GSDMA: variants seen among roughly 807,000 people sequenced by gnomAD.
GSDMA encodes the protein gasdermin A, also known as gasdermin-A.
Under a neutral mutation model 54.3 loss-of-function variants are expected in GSDMA, and 55 were observed. The ratio of observed to expected loss-of-function variants is 1.01; its 90% CI spans 0.82 to 1.27. The LOEUF is 1.27. GSDMA is among the 50% of genes most tolerant of loss of function. GSDMA has a pLI of 0.00. For missense variants in GSDMA, 542 were observed against 542.6 expected (o/e 1.00, Z 0.01); for synonymous variants, 211 against 224.7 (o/e 0.94, Z 0.54).
Position 39,976,868 on chromosome 17 carries a change from C to T in GSDMA, c.1148C>T (p.Pro383Leu), listed in dbSNP as rs556433514. The T allele has an allele frequency of 1.7e-5, 27 of 1,613,802 alleles. No individual in the cohort carries two copies. Among genetic ancestry groups the T allele is most frequent in the African/African-American group, 4.0e-5 (3 of 74,854 alleles). The change falls in exon 12 of 12, where the codon CCC (proline) becomes CTC (leucine). Residue 383 changes from proline to leucine, a missense_variant. Transcript: ENST00000301659. ...CTGCTGGATAAAGAGGGTGTTTTCC[C>T]CCTGCAACCTGAGCTGCTCTCCTCC... ...NFLLDKEGVF[P>L]LQPELLSSLG...
chr17:39,976,145 C>G, intron 11 of GSDMA, 148 bp downstream of exon 11: 2 of 557,682 alleles, frequency 3.6e-6, no homozygotes, highest in Non-Finnish European at 3.2e-6. Context: ...CTCTCTATTT[C>G]TCATTTTTTG....
intron 11 of GSDMA, among the ~76,000 whole-genome samples, chr17:39,976,372 G>A (rs1015057814): frequency 7.9e-5 from 12 of 151,266 alleles, no homozygotes; most frequent in Non-Finnish European, 5.9e-5. Context: ...TCCGCCTCCC[G>A]GGTTCAAGCG....
chr17:39,970,361 G>A, intron 3 of GSDMA, 121 bp from the exon 4 acceptor site: 4 of 934,694 alleles, frequency 4.3e-6, no homozygotes, highest in Non-Finnish European at 4.5e-6. Flanking sequence ...CTAGTCCAGA[G>A]TCCTCACTCC....
In GSDMA at chr17:39,974,416, C is replaced by T. The variant is rs1226857851; in HGVS notation, c.895C>T (p.Leu299Phe). The change falls in exon 9 of 12, where the codon CTT becomes TTT. Residue 299 changes from leucine to phenylalanine, a missense_variant. By Grantham distance (22) the Leu-to-Phe change is conservative (BLOSUM62 0). Coordinates refer to ENST00000301659, the MANE Select transcript of GSDMA (RefSeq NM_178171.5). Reference protein sequence around the residue: ...LLGKKKELQDLELALEGALDK... With the variant: ...LLGKKKELQDFELALEGALDK... ...AGGGAAGAAAAAGGAGCTACAAGACCTTGAGCTCGCAGTGAGGACCTAGTG... is the reference window on the plus strand; with the variant it reads ...AGGGAAGAAAAAGGAGCTACAAGACTTTGAGCTCGCAGTGAGGACCTAGTG... 6.3e-7 allele frequency: 1 copy of T among 1,581,184 alleles called. No individual in the cohort carries two copies. The highest frequency in any genetic ancestry group is 8.6e-7 in the Non-Finnish European group (1 of 1,163,814).
rs1318286815 is a variant in GSDMA at position 39,970,525 on chromosome 17, C to A, written c.436C>A (p.Gln146Lys). Residue 146 changes from glutamine (Q) to lysine (K), a missense_variant, in exon 4 of 12, where the codon CAA becomes AAA. Physicochemically the swap from Gln to Lys is moderately conservative, Grantham distance 53. Transcript: ENST00000301659. ...CCCATTCCTGAAGGAGATGCAAGAT[C>A]AAGGGGAGAACCTGTATGTGGTGAT... ...DHPFLKEMQD[Q>K]GENLYVVMEV... is the part of the protein sequence containing the mutation. 4 of 1,598,774 alleles carry A rather than the reference C, an allele frequency of 2.5e-6. No homozygotes were observed. The highest frequency in any genetic ancestry group is 3.4e-6 in the Non-Finnish European group (4 of 1,172,128).
At chr17:39,974,528 C>A in intron 9 of GSDMA, 101 bp downstream of exon 9, 1 of 1,329,238 alleles carries the variant, frequency 7.5e-7, no homozygotes, top group Non-Finnish European at 1.0e-6. Context: ...CTGACGGGGG[C>A]AGGAGGTGGG....
intron 2 of GSDMA, 31 bp from the exon 3 acceptor site, chr17:39,966,229 C>T (rs566601035): frequency 2.5e-6 from 4 of 1,612,436 alleles, no homozygotes; most frequent in South Asian, 1.1e-5. Context: ...ACCCAGCCAG[C>T]CCAGCCCCTT....
Position 39,970,658 on chromosome 17 carries a change from AACACACACACACAC to A in GSDMA, c.558+24_558+37del, listed in dbSNP as rs58338887. 3 of 1,353,646 alleles carry A rather than the reference AACACACACACACAC, an allele frequency of 2.2e-6. No homozygotes were observed. The highest frequency in any genetic ancestry group is 1.5e-5 in the African/African-American group (1 of 66,634). 83.9% of individuals were successfully genotyped at this position (1,353,646 alleles called of 1,614,324 possible). A position where few individuals can be genotyped will look rare whatever the true frequency, so the allele number is the denominator to read the frequency against. On this transcript the variant is annotated intron_variant, in intron 4 of 11. Coordinates refer to ENST00000301659, the MANE Select transcript of GSDMA (RefSeq NM_178171.5). ...CCATTGGGGCTACAGGTTTGATTCA[AACACACACACACAC>A]ACACACACACACTCTCACACTCACA... is the stretch of plus-strand genomic sequence containing the variant.
At chr17:39,964,233 G>A (rs1041944978) in intron 1 of GSDMA, among the ~76,000 whole-genome samples, 4 of 152,128 alleles carry the variant, frequency 2.6e-5, no homozygotes, top group African/African-American at 7.2e-5. Flanking sequence ...ATCCGGAAGC[G>A]GGTATTGTAA....
In GSDMA at chr17:39,971,572, C is replaced by G. The variant is rs781138630; in HGVS notation, c.607C>G (p.Leu203Val). ...EAVTIPKGCV[L>V]AFRVRQLMVK... is the part of the protein sequence containing the mutation. ...TGTAACCATCCCCAAGGGCTGCGTC[C>G]TGGCCTTTCGAGTGAGACAGCTGAT... Residue 203 changes from leucine (L) to valine (V), a missense_variant, in exon 5 of 12, where the codon CTG becomes GTG. Physicochemically the swap from Leu to Val is conservative, Grantham distance 32 (BLOSUM62 1). Transcript: ENST00000301659. 28 of 1,613,840 alleles carry G rather than the reference C, an allele frequency of 1.7e-5. No individual in the cohort carries two copies. The East Asian group carries it at 5.8e-4, about 33-fold the overall frequency.
chr17:39,970,566 G>C lies in GSDMA; in HGVS notation c.477G>C (p.Thr159=). 6.2e-7 allele frequency: 1 copy of C among 1,609,526 alleles called. No homozygotes were observed. The highest frequency in any genetic ancestry group is 8.5e-7 in the Non-Finnish European group (1 of 1,177,766). Residue 159 remains threonine (T), a synonymous_variant, in exon 4 of 12, where the codon ACG becomes ACC. Transcript: ENST00000301659. Reference sequence around the variant, plus strand: ...ATGTGGTGATGGAGGTGGTGGAGACGGTGCAGGAGGTCACACTGGAGCGAG... The same window carrying C: ...ATGTGGTGATGGAGGTGGTGGAGACCGTGCAGGAGGTCACACTGGAGCGAG... The part of the protein sequence containing the change: ...NLYVVMEVVE[T]VQEVTLERAG...
Position 39,976,820 on chromosome 17 carries a change from A to G in GSDMA, c.1100A>G (p.Glu367Gly). ...KILPVQLKLV[E>G]STMEQNFLLD... Reference sequence around the variant, plus strand: ...TGCTGTTTTGATTCCCTCCAGGTGGAGAGCACGATGGAACAGAACTTCCTG... The same window carrying G: ...TGCTGTTTTGATTCCCTCCAGGTGGGGAGCACGATGGAACAGAACTTCCTG... Residue 367 changes from glutamate to glycine, a missense_variant, in exon 12 of 12, where the codon GAG becomes GGG. Physicochemically the swap from Glu to Gly is moderately conservative, Grantham distance 98. Transcript: ENST00000301659. 2 of 1,613,926 alleles carry G rather than the reference A, an allele frequency of 1.2e-6. No individual in the cohort carries two copies. The highest frequency in any genetic ancestry group is 2.2e-5 in the East Asian group (1 of 44,886).
intron 3 of GSDMA, among the ~76,000 whole-genome samples, chr17:39,969,965 A>G (rs550855306): frequency 2.9e-5 from 2 of 68,722 alleles, no homozygotes; most frequent in East Asian, 1.8e-3. Flanking sequence ...TGTTAGGATT[A>G]GGGAGTTTAT....
chr17:39,964,889 G>A (rs1329185954), intron 1 of GSDMA, among the ~76,000 whole-genome samples: 2 of 152,282 alleles, frequency 1.3e-5, no homozygotes, highest in Non-Finnish European at 1.5e-5. Context: ...CACTTCGGGA[G>A]GCTGAGGTGG....
At chr17:39,971,714 A>G in intron 5 of GSDMA, 94 bp downstream of exon 5, 1 of 874,530 alleles carries the variant, frequency 1.1e-6, no homozygotes, top group South Asian at 1.4e-5. Flanking sequence ...ATGTCAGAGA[A>G]TGAGTAGGGG....
At position 39,976,875 on chromosome 17, in the gene GSDMA, A is replaced by G. The variant is rs1980222011; in HGVS notation, c.1155A>G (p.Gln385=). 1 of 1,613,876 alleles carries G rather than the reference A, an allele frequency of 6.2e-7. No individual in the cohort carries two copies. The highest frequency in any genetic ancestry group is 8.5e-7 in the Non-Finnish European group (1 of 1,179,864). ...LLDKEGVFPL[Q]PELLSSLGDE... ...ATAAAGAGGGTGTTTTCCCCCTGCA[A>G]CCTGAGCTGCTCTCCTCCCTTGGGG... The change falls in exon 12 of 12, where the codon CAA becomes CAG. Residue 385 remains glutamine (Q), a synonymous_variant. Transcript: ENST00000301659.
chr17:39,968,389 A>G (rs62066848), intron 3 of GSDMA, among the ~76,000 whole-genome samples: 1 of 102,596 alleles, frequency 9.7e-6, no homozygotes, highest in Non-Finnish European at 1.8e-5. Context: ...TCTCTGTTGC[A>G]CAGGCTGGAG....
chr17:39,973,892 G>C (rs1980075745), intron 8 of GSDMA, 62 bp downstream of exon 8: 6 of 1,420,278 alleles, frequency 4.2e-6, no homozygotes, highest in Non-Finnish European at 5.9e-6. Context: ...GGGGCAGAGA[G>C]AGGAGAAGGC....
Position 39,977,291 on chromosome 17 carries a change from T to TA in GSDMA, c.*233_*234insA. ...GCTTAAATTTTCTTTACTTTTCTTT[T>TA]CTTTTTTTTTTTTTTTTTGAGATGG... On this transcript the variant is annotated 3_prime_UTR_variant, in exon 12 of 12. Coordinates refer to ENST00000301659, the MANE Select transcript of GSDMA (RefSeq NM_178171.5). 6.8e-6 allele frequency: 1 copy of TA among 146,450 alleles called. No individual in the cohort carries two copies. Among genetic ancestry groups the TA allele is most frequent in the Non-Finnish European group, 1.3e-5 (1 of 79,382 alleles). 9.1% of individuals were successfully genotyped at this position (146,450 alleles called of 1,614,324 possible).
Sources: gnomAD v4.1 joint callset for allele counts (sites outside exome capture counted in the v4.1 genomes callset) on GRCh38, gnomAD v4.1.1 for gene constraint, MANE v1.5 for transcripts, NCBI Gene and HGNC (gene_info 2026-07-23, HGNC 2026-07-21) for gene names.